The following ZMYM2 variants were observed in gnomAD, a reference collection of about 807,000 sequenced individuals.
ZMYM2 encodes zinc finger MYM-type protein 2.
ZMYM2 carries 56 observed loss-of-function variants against 162.8 expected under a neutral mutation model. That is an observed-to-expected ratio of 0.34 (90% CI 0.28 to 0.43). ZMYM2 has a LOEUF of 0.43. Among genes scored for constraint, ZMYM2 ranks in the 20% least tolerant of loss-of-function variants. ZMYM2 has a pLI of 1.00. For synonymous variants in ZMYM2, 510 were observed against 541.6 expected (o/e 0.94, Z 0.81); for missense variants, 1,275 against 1,621.8 (o/e 0.79, Z 3.67).
Position 20,020,353 on chromosome 13 carries a change from G to T in ZMYM2, c.1584+735G>T, listed in dbSNP as rs9552063. Among the ~76,000 whole-genome samples the T allele has an allele frequency of 3.3e-5, 5 of 151,298 alleles. No individual in the cohort carries two copies. In the Admixed American group the frequency reaches 3.3e-4, roughly 10 times the overall value. Reference sequence around the variant, plus strand: ...GGGTTCAAGCGATTCTCCTGCCTCAGCCTCCCAAGTAGCTGGGATTACAGT... The same window carrying T: ...GGGTTCAAGCGATTCTCCTGCCTCATCCTCCCAAGTAGCTGGGATTACAGT... On this transcript the variant is annotated intron_variant, in intron 7 of 24. Coordinates refer to ENST00000610343, the MANE Select transcript of ZMYM2 (RefSeq NM_197968.4).
chr13:19,879,534 C>T, the ZMYM2 span, among the ~76,000 whole-genome samples: 1 of 152,158 alleles, frequency 6.6e-6, no homozygotes, highest in Non-Finnish European at 1.5e-5. Context: ...CAGTACCATA[C>T]TTCTTTGATT....
rs907802113 is a variant in ZMYM2, at chr13:20,086,115, G to A, written c.*101G>A. 6.3e-6 allele frequency: 8 copies of A among 1,261,948 alleles called. No individual in the cohort carries two copies. Among genetic ancestry groups the A allele is most frequent in the African/African-American group, 1.5e-5 (1 of 67,046 alleles). 78.2% of individuals were successfully genotyped at this position (1,261,948 alleles called of 1,614,324 possible). On this transcript the variant is annotated 3_prime_UTR_variant, in exon 25 of 25. Coordinates refer to ENST00000610343, the MANE Select transcript of ZMYM2 (RefSeq NM_197968.4). ...ATTTCAAGTTTACTCCTTCTGTTTT[G>A]AGTTTTGTAGCAGTGTACCCACGCT... is the stretch of plus-strand genomic sequence containing the variant.
chr13:20,045,196 T>C (rs1045235241), intron 12 of ZMYM2, among the ~76,000 whole-genome samples: 8 of 152,088 alleles, frequency 5.3e-5, no homozygotes, highest in African/African-American at 1.9e-4. Flanking sequence ...ATTAAAATGA[T>C]ACTACTAGGA....
intron 12 of ZMYM2, among the ~76,000 whole-genome samples, chr13:20,049,395 G>A (rs1338754504): frequency 1.3e-5 from 2 of 151,908 alleles, no homozygotes; most frequent in East Asian, 3.9e-4. Flanking sequence ...GAGGTGGAAT[G>A]TGTTTAATTT....
chr13:19,876,419 T>A, the ZMYM2 span, among the ~76,000 whole-genome samples: 5 of 151,872 alleles, frequency 3.3e-5, no homozygotes, highest in Non-Finnish European at 7.4e-5. Flanking sequence ...GCCTCCCAGG[T>A]TCAAGTGATT....
At chr13:19,883,999 C>A in the ZMYM2 span, among the ~76,000 whole-genome samples, 2 of 152,184 alleles carry the variant, frequency 1.3e-5, no homozygotes, top group African/African-American at 4.8e-5. Context: ...TCCAAGTGAT[C>A]CGCCCGGTTT....
intron 2 of ZMYM2, among the ~76,000 whole-genome samples, chr13:19,974,375 A>G (rs1566189863): frequency 6.6e-6 from 1 of 152,020 alleles, no homozygotes; most frequent in Non-Finnish European, 1.5e-5. Flanking sequence ...GAAGTGCTGC[A>G]TGGTGTTTTG....
chr13:19,911,045 T>TC, the ZMYM2 span, among the ~76,000 whole-genome samples: 28 of 21,212 alleles, frequency 1.3e-3, no homozygotes, highest in African/African-American at 2.1e-3. Flanking sequence ...GTTCCCAGTC[T>TC]TTTTTTTTTT....
the ZMYM2 span, among the ~76,000 whole-genome samples, chr13:19,898,295 C>T: frequency 9.9e-5 from 15 of 151,306 alleles, no homozygotes; most frequent in South Asian, 2.5e-3. Context: ...TGCAGTGGCA[C>T]GATCTTGGCT....
intron 6 of ZMYM2, among the ~76,000 whole-genome samples, chr13:20,016,953 A>G (rs1951682137): frequency 6.6e-6 from 1 of 152,198 alleles, no homozygotes; most frequent in Admixed American, 6.6e-5. Flanking sequence ...AAACTCTCAG[A>G]AAGTTCATGT....
chr13:19,884,863 G>A, the ZMYM2 span, among the ~76,000 whole-genome samples: 17 of 152,052 alleles, frequency 1.1e-4, no homozygotes, highest in Non-Finnish European at 2.1e-4. Flanking sequence ...CACAATTGCG[G>A]GTGCGGGTGG....
At chr13:19,991,555 C>A (rs945302679) in intron 2 of ZMYM2, among the ~76,000 whole-genome samples, 1 of 151,754 alleles carries the variant, frequency 6.6e-6, no homozygotes, top group Non-Finnish European at 1.5e-5. Context: ...CCTGGGTATT[C>A]AACCTAGCTG....
chr13:19,986,439 G>A (rs2139605125), intron 2 of ZMYM2, among the ~76,000 whole-genome samples: 1 of 151,590 alleles, frequency 6.6e-6, no homozygotes, highest in African/African-American at 2.4e-5. Flanking sequence ...CATATCCTAA[G>A]ACATTTCAGA....
intron 14 of ZMYM2, among the ~76,000 whole-genome samples, chr13:20,054,117 A>G (rs1955596362): frequency 6.6e-6 from 1 of 152,240 alleles, no homozygotes; most frequent in Admixed American, 6.5e-5. Flanking sequence ...GTCCTCTCCC[A>G]TCTTTTCTTT....
At chr13:20,008,277 C>T (rs1318669081) in intron 6 of ZMYM2, among the ~76,000 whole-genome samples, 1 of 152,120 alleles carries the variant, frequency 6.6e-6, no homozygotes, top group Admixed American at 6.5e-5. Context: ...ATTACAGGCA[C>T]ATGCCACCAT....
chr13:20,003,134 A>G lies in ZMYM2; in HGVS notation c.1132A>G (p.Lys378Glu). 1 of 1,612,646 alleles carries G rather than the reference A, an allele frequency of 6.2e-7. No homozygotes were observed. Among genetic ancestry groups the G allele is most frequent in the East Asian group, 2.2e-5 (1 of 44,854 alleles). ...APKKLCVMCKKDITTMKGTIV... is the reference protein window; with the variant it reads ...APKKLCVMCKEDITTMKGTIV... ...AAAGAAACTCTGTGTTATGTGTAAA[A>G]AGTAAGGTTTACCTTTCAACATAAT... Residue 378 changes from lysine to glutamate, a missense_variant and splice_region_variant, in exon 4 of 25, where the codon AAA becomes GAA. Coordinates refer to ENST00000610343, the MANE Select transcript of ZMYM2 (RefSeq NM_197968.4).
upstream of ZMYM2, among the ~76,000 whole-genome samples, chr13:19,955,151 ATTAT>A (rs1224927777): frequency 6.6e-6 from 1 of 151,146 alleles, no homozygotes; most frequent in Non-Finnish European, 1.5e-5. Context: ...TATTATTATT[ATTAT>A]TATTATTATT....
chr13:19,923,872 T>C, the ZMYM2 span, among the ~76,000 whole-genome samples: 1 of 151,958 alleles, frequency 6.6e-6, no homozygotes, highest in African/African-American at 2.4e-5. Context: ...GGTTTCGCCA[T>C]GTTGGCCAGG....
At chr13:19,959,655 C>G (rs1344065247) in intron 1 of ZMYM2, among the ~76,000 whole-genome samples, 4 of 152,128 alleles carry the variant, frequency 2.6e-5, no homozygotes, top group African/African-American at 4.8e-5. Flanking sequence ...AAATCCCTTG[C>G]TGGCGTCGAG....
Sources: allele counts gnomAD v4.1 joint callset (sites outside exome capture counted in the v4.1 genomes callset), GRCh38; gene constraint gnomAD v4.1.1; transcripts MANE v1.5; gene names NCBI Gene and HGNC (gene_info 2026-07-23, HGNC 2026-07-21).